Variants in ARL15 observed in about 807,000 individuals in gnomAD.
ARL15 encodes ARF like GTPase 15, also known as ADP-ribosylation factor-like protein 15.
ARL15 carries 19 observed loss-of-function variants against 25.2 expected under a neutral mutation model. The observed-to-expected ratio is 0.75, with a 90% CI of 0.53 to 1.10. ARL15 has a LOEUF of 1.10. ARL15 is among the 50% of genes least tolerant of loss of function. The pLI is 0.00. For missense variants in ARL15, 220 were observed against 246.0 expected, an observed-to-expected ratio of 0.89 and a Z score of 0.71; for synonymous variants, 94 against 86.8, an observed-to-expected ratio of 1.08 and a Z score of -0.46.
Position 53,886,531 on chromosome 5 carries a change from CT to C in ARL15, c.*29del. 6.5e-7 allele frequency: 1 copy of C among 1,548,338 alleles called. No individual in the cohort carries two copies. Among genetic ancestry groups the C allele is most frequent in the East Asian group, 2.4e-5 (1 of 41,928 alleles). On this transcript the variant is annotated 3_prime_UTR_variant, in exon 5 of 5. Coordinates refer to ENST00000504924, the MANE Select transcript of ARL15 (RefSeq NM_019087.3). ...GAAACTAACATGATAGGTTCAAGGCCTTTTGGGAGCCTGTTTTCTTTGCCAG... is the reference window on the plus strand; with the variant it reads ...GAAACTAACATGATAGGTTCAAGGCCTTTGGGAGCCTGTTTTCTTTGCCAG...
intron 4 of ARL15, among the ~76,000 whole-genome samples, chr5:53,894,518 T>G (rs1222482001): frequency 6.6e-6 from 1 of 152,210 alleles, no homozygotes; most frequent in Non-Finnish European, 1.5e-5. Context: ...AATTATTATT[T>G]TTGGTATGCC....
intron 1 of ARL15, among the ~76,000 whole-genome samples, chr5:54,194,212 A>G (rs1276443716): frequency 6.6e-6 from 1 of 152,184 alleles, no homozygotes; most frequent in Admixed American, 6.6e-5. Flanking sequence ...AAGCATTTTT[A>G]AAGCCAACAA....
intron 1 of ARL15, among the ~76,000 whole-genome samples, chr5:54,213,984 A>G (rs1436883248): frequency 3.3e-5 from 5 of 152,230 alleles, no homozygotes; most frequent in Non-Finnish European, 7.3e-5. Flanking sequence ...TTGAACACAT[A>G]TATGAGAGAG....
intron 4 of ARL15, among the ~76,000 whole-genome samples, chr5:54,102,241 G>A (rs1752461456): frequency 6.6e-6 from 1 of 151,926 alleles, no homozygotes; most frequent in Non-Finnish European, 1.5e-5. Context: ...CAAACTCCTG[G>A]CTTCATGTGA....
chr5:54,103,929 C>T (rs2112187035), intron 4 of ARL15, among the ~76,000 whole-genome samples: 1 of 152,148 alleles, frequency 6.6e-6, no homozygotes, highest in East Asian at 1.9e-4. Context: ...CCTGTTTTTT[C>T]CATGCTTTAA....
intron 4 of ARL15, among the ~76,000 whole-genome samples, chr5:54,041,690 G>A (rs558032814): frequency 3.9e-4 from 59 of 152,326 alleles, no homozygotes; most frequent in African/African-American, 1.3e-3. Flanking sequence ...CTCCAACTCT[G>A]AGGAACTTTA....
chr5:54,154,613 G>A lies in ARL15; in HGVS notation c.220C>T (p.Gln74Ter), dbSNP rs1422027350. ...TCTTTTACATTCAAGATGGCATTCT[G>A]GAATGGCACTGCTTTAATACTAAAA... ...TGFSIKAVPF[Q>*]NAILNVKELG... The change falls in exon 3 of 5, where the codon CAG becomes TAG. Residue 74 changes from glutamine (Q) to a stop codon, truncating the protein, a stop_gained. Coordinates refer to ENST00000504924, the MANE Select transcript of ARL15 (RefSeq NM_019087.3). LOFTEE classifies it high-confidence loss of function. 1.3e-6 allele frequency: 2 copies of A among 1,527,896 alleles called. No homozygotes were observed. Among genetic ancestry groups the A allele is most frequent in the Admixed American group, 2.2e-5 (1 of 45,290 alleles). The allele number at this position is 1,527,896 out of a possible 1,614,324, so 94.6% of individuals were successfully genotyped here.
intron 1 of ARL15, among the ~76,000 whole-genome samples, chr5:54,233,604 G>T (rs568191656): frequency 6.6e-6 from 1 of 152,292 alleles, no homozygotes; most frequent in Admixed American, 6.5e-5. Context: ...GTCTTTCAAG[G>T]TCCAAGAGAG....
chr5:54,237,798 A>G (rs1174800915), intron 1 of ARL15, among the ~76,000 whole-genome samples: 1 of 152,190 alleles, frequency 6.6e-6, no homozygotes, highest in Non-Finnish European at 1.5e-5. Context: ...TTAGCCAAAA[A>G]TGATCACTGT....
chr5:54,116,794 T>G (rs1672770825), intron 3 of ARL15, among the ~76,000 whole-genome samples: 2 of 152,162 alleles, frequency 1.3e-5, no homozygotes, highest in African/African-American at 2.4e-5. Context: ...ACAAAACGAT[T>G]ATGTAACTTG....
chr5:54,093,657 TTAA>T (rs1324048819), intron 4 of ARL15, among the ~76,000 whole-genome samples: 1 of 151,086 alleles, frequency 6.6e-6, no homozygotes, highest in Non-Finnish European at 1.5e-5. Flanking sequence ...TGGAGGTAAT[TTAA>T]TAATTTAAGT....
At position 54,114,406 on chromosome 5, in the gene ARL15, G is replaced by GA. The variant is rs1171369744; in HGVS notation, c.254-997dup. ...GCAACACAGCAAGGCTCCATCTCAA[G>GA]AAAAAAAAAAAAAAAAGCAACACCA... On this transcript the variant is annotated intron_variant, in intron 3 of 4. Coordinates refer to ENST00000504924, the MANE Select transcript of ARL15 (RefSeq NM_019087.3). Among the ~76,000 whole-genome samples, 332 of 74,476 alleles carry GA rather than the reference G, an allele frequency of 4.5e-3. 32 individuals are homozygous for GA. The highest frequency in any genetic ancestry group is 0.016 in the African/African-American group (277 of 17,562). 48.9% of individuals were successfully genotyped at this position (74,476 alleles called of 152,430 possible). A position where few individuals can be genotyped will look rare whatever the true frequency, so the allele number is the denominator to read the frequency against.
At position 53,884,235 on chromosome 5, in the gene ARL15, G is replaced by A. The variant is rs1744440263; in HGVS notation, c.*2326C>T. ...GAAACGTCCATAAATATTACAAGAA[G>A]CTAGGTGAAGAAATACATAACAGAC... On this transcript the variant is annotated 3_prime_UTR_variant, in exon 5 of 5. Transcript: ENST00000504924. 1.3e-5 allele frequency: 2 copies of A among 152,204 alleles called. No homozygotes were observed. Among genetic ancestry groups the A allele is most frequent in the Non-Finnish European group, 2.9e-5 (2 of 68,036 alleles). The allele number at this position is 152,204 out of a possible 1,614,324, so 9.4% of individuals were successfully genotyped here.
rs376579751 is a variant in ARL15 at position 54,081,044 on chromosome 5, C to T, written c.462+32158G>A. Reference sequence around the variant, plus strand: ...CAAATGAGGATCTTACCCTTATGACCTCATTTAGCCTTAATTTACTTCCTA... The same window carrying T: ...CAAATGAGGATCTTACCCTTATGACTTCATTTAGCCTTAATTTACTTCCTA... On this transcript the variant is annotated intron_variant, in intron 4 of 4. Coordinates refer to ENST00000504924, the MANE Select transcript of ARL15 (RefSeq NM_019087.3). Among the ~76,000 whole-genome samples the T allele has an allele frequency of 1.3e-3, 203 of 152,204 alleles. 6 individuals are homozygous for T. The South Asian group carries it at 0.04, about 30-fold the overall frequency.
intron 1 of ARL15, among the ~76,000 whole-genome samples, chr5:54,276,607 C>T (rs1757936867): frequency 6.6e-6 from 1 of 152,176 alleles, no homozygotes. Flanking sequence ...CAACCCAACA[C>T]GTTCATTTCC....
At chr5:54,208,285 G>A (rs562154019) in intron 1 of ARL15, among the ~76,000 whole-genome samples, 13 of 152,206 alleles carry the variant, frequency 8.5e-5, no homozygotes, top group Admixed American at 3.9e-4. Flanking sequence ...ACTGCCAGGC[G>A]TCTAAGAAGT....
At chr5:54,159,126 G>A (rs1195731400) in intron 2 of ARL15, among the ~76,000 whole-genome samples, 1 of 152,090 alleles carries the variant, frequency 6.6e-6, no homozygotes, top group Non-Finnish European at 1.5e-5. Flanking sequence ...TTGTCCTCCT[G>A]TTTATAAATA....
intron 1 of ARL15, among the ~76,000 whole-genome samples, chr5:54,242,064 C>A (rs1177006156): frequency 6.6e-6 from 1 of 152,096 alleles, no homozygotes; most frequent in Non-Finnish European, 1.5e-5. Context: ...TTCACGGTGT[C>A]CTTACCTGCC....
intron 4 of ARL15, among the ~76,000 whole-genome samples, chr5:54,056,847 A>T (rs555236251): frequency 1.3e-5 from 2 of 152,230 alleles, no homozygotes; most frequent in African/African-American, 4.8e-5. Context: ...CCAAACATCA[A>T]TTCCCTCCTG....
Sources: gnomAD v4.1 joint callset for allele counts (sites outside exome capture counted in the v4.1 genomes callset) on GRCh38, gnomAD v4.1.1 for gene constraint, MANE v1.5 for transcripts, NCBI Gene and HGNC (gene_info 2026-07-23, HGNC 2026-07-21) for gene names.